Variants in PTPRG observed in about 807,000 individuals in gnomAD.
PTPRG encodes the protein protein tyrosine phosphatase receptor type G, also known as receptor-type tyrosine-protein phosphatase gamma.
Under a neutral mutation model 165.3 loss-of-function variants are expected in PTPRG, and 102 were observed. The observed-to-expected ratio is 0.62, with a 90% CI of 0.53 to 0.73. PTPRG has a LOEUF of 0.73. PTPRG is among the 30% of genes least tolerant of loss of function. The pLI, the probability that PTPRG is intolerant of heterozygous loss-of-function variation, is 0.00. For synonymous variants in PTPRG, 675 were observed against 669.5 expected (o/e 1.01, Z -0.13); for missense variants, 1,866 against 1,861.4 (o/e 1.00, Z -0.05).
intron 2 of PTPRG, among the ~76,000 whole-genome samples, chr3:61,964,909 TA>T (rs934435385): frequency 6.6e-6 from 1 of 151,886 alleles, no homozygotes; most frequent in Non-Finnish European, 1.5e-5. Flanking sequence ...GTTCAGCCTT[TA>T]AAAAAAATCC....
chr3:61,853,746 A>C (rs557315607), intron 2 of PTPRG, among the ~76,000 whole-genome samples: 1 of 152,310 alleles, frequency 6.6e-6, no homozygotes, highest in Admixed American at 6.5e-5. Flanking sequence ...GAGTGCTAGG[A>C]AAGTCTTTAC....
intron 12 of PTPRG, among the ~76,000 whole-genome samples, chr3:62,208,360 C>T (rs912748843): frequency 5.9e-5 from 9 of 152,180 alleles, no homozygotes; most frequent in African/African-American, 1.4e-4. Context: ...CCTACAAAAA[C>T]ATTTCAGAGT....
At chr3:62,071,474 T>A (rs1701208050) in intron 4 of PTPRG, among the ~76,000 whole-genome samples, 1 of 152,210 alleles carries the variant, frequency 6.6e-6, no homozygotes, top group Non-Finnish European at 1.5e-5. Context: ...ATAAATGTAG[T>A]ATTTGTTTAA....
chr3:61,799,836 G>A lies in PTPRG; in HGVS notation c.190+50854G>A, dbSNP rs570016210. ...TATTCACTAACCCCTTGAGAGTGTG[G>A]ACATAACATTTTTCCCCAGAACAGT... On this transcript the variant is annotated intron_variant, in intron 2 of 29. Transcript: ENST00000474889. Among the ~76,000 whole-genome samples, 176 of 152,264 alleles carry A rather than the reference G, an allele frequency of 1.2e-3. 1 individual carries two copies. Among genetic ancestry groups the A allele is most frequent in the African/African-American group, 3.9e-3 (163 of 41,550 alleles).
At chr3:61,686,869 A>T (rs1703649445) in intron 1 of PTPRG, among the ~76,000 whole-genome samples, 1 of 152,146 alleles carries the variant, frequency 6.6e-6, no homozygotes. Context: ...CACATACAGG[A>T]TTATCTTTAG....
chr3:62,096,804 A>G (rs1702135521), intron 5 of PTPRG, among the ~76,000 whole-genome samples: 1 of 152,210 alleles, frequency 6.6e-6, no homozygotes, highest in Non-Finnish European at 1.5e-5. Flanking sequence ...ACCTGATTAT[A>G]ATTATCCAAA....
chr3:61,857,188 T>G (rs1298005784), intron 2 of PTPRG, among the ~76,000 whole-genome samples: 1 of 152,134 alleles, frequency 6.6e-6, no homozygotes, highest in African/African-American at 2.4e-5. Context: ...AATCTCATAT[T>G]GTAAAATCTT....
chr3:62,090,232 A>G (rs1009809829), intron 5 of PTPRG, among the ~76,000 whole-genome samples: 68 of 152,272 alleles, frequency 4.5e-4, no homozygotes, highest in Admixed American at 1.6e-3. Context: ...TGTGCAGCGT[A>G]TTCCCTGGTA....
chr3:61,829,672 A>G (rs1024418476), intron 2 of PTPRG, among the ~76,000 whole-genome samples: 2 of 152,244 alleles, frequency 1.3e-5, no homozygotes, highest in African/African-American at 4.8e-5. Flanking sequence ...GTATATTTCC[A>G]ACAGTGATGA....
intron 2 of PTPRG, among the ~76,000 whole-genome samples, chr3:61,913,945 G>C (rs2038867118): frequency 6.6e-6 from 1 of 152,210 alleles, no homozygotes; most frequent in African/African-American, 2.4e-5. Flanking sequence ...AGCTCTCAGA[G>C]ATCGGTCCAA....
rs745595266 is a variant in PTPRG at position 61,888,322 on chromosome 3, G to GTT, written c.191-101296_191-101295dup. 5.3e-3 allele frequency among the ~76,000 whole-genome samples: 786 copies of GTT among 149,482 alleles called. 7 individuals are homozygous for GTT. Among genetic ancestry groups the GTT allele is most frequent in the African/African-American group, 0.018 (713 of 39,522 alleles). ...TATTTCTGTTCTAGGAAAATGGGTT[G>GTT]TTTTTTTTGTTTGTTTGTTTGTTGT... On this transcript the variant is annotated intron_variant, in intron 2 of 29. Coordinates refer to ENST00000474889, the MANE Select transcript of PTPRG (RefSeq NM_002841.4).
intron 1 of PTPRG, among the ~76,000 whole-genome samples, chr3:61,620,724 G>A (rs1701425896): frequency 2.0e-5 from 3 of 151,948 alleles, no homozygotes; most frequent in Non-Finnish European, 4.4e-5. Flanking sequence ...CGCCTCCCAG[G>A]TTCAAGCAGT....
intron 12 of PTPRG, among the ~76,000 whole-genome samples, chr3:62,208,038 T>C (rs566629720): frequency 1.1e-4 from 16 of 152,324 alleles, no homozygotes; most frequent in African/African-American, 3.8e-4. Context: ...CAATTTCTGC[T>C]TTTTAAAAAT....
At chr3:61,921,690 C>G (rs371668700) in intron 2 of PTPRG, among the ~76,000 whole-genome samples, 6 of 152,138 alleles carry the variant, frequency 3.9e-5, no homozygotes, top group African/African-American at 1.4e-4. Context: ...CACATTTAGA[C>G]TCAAGATTTC....
At chr3:62,094,051 A>C (rs933495711) in intron 5 of PTPRG, among the ~76,000 whole-genome samples, 2 of 152,204 alleles carry the variant, frequency 1.3e-5, no homozygotes, top group African/African-American at 4.8e-5. Flanking sequence ...ATCTGCTTTG[A>C]TGCCTCAAAC....
intron 2 of PTPRG, among the ~76,000 whole-genome samples, chr3:61,782,176 T>C (rs1293399955): frequency 6.6e-6 from 1 of 152,228 alleles, no homozygotes; most frequent in Non-Finnish European, 1.5e-5. Flanking sequence ...ACTGTGACTT[T>C]GAGACCTTTA....
intron 1 of PTPRG, among the ~76,000 whole-genome samples, chr3:61,592,068 G>A (rs545555788): frequency 1.3e-5 from 2 of 151,800 alleles, no homozygotes; most frequent in Non-Finnish European, 2.9e-5. Context: ...CCGCCTCCTG[G>A]GTTCGAGCAA....
At chr3:61,616,449 A>T (rs1701299496) in intron 1 of PTPRG, among the ~76,000 whole-genome samples, 1 of 152,014 alleles carries the variant, frequency 6.6e-6, no homozygotes, top group Non-Finnish European at 1.5e-5. Context: ...GATTTGTGGG[A>T]CTCCTTCTGT....
At chr3:61,847,832 CAG>C (rs1265007976) in intron 2 of PTPRG, among the ~76,000 whole-genome samples, 2 of 152,230 alleles carry the variant, frequency 1.3e-5, no homozygotes, top group African/African-American at 4.8e-5. Context: ...GAGATGCAGA[CAG>C]AGGCTTAAGA....
Sources: gnomAD v4.1 joint callset for allele counts (sites outside exome capture counted in the v4.1 genomes callset) on GRCh38, gnomAD v4.1.1 for gene constraint, MANE v1.5 for transcripts, NCBI Gene and HGNC (gene_info 2026-07-23, HGNC 2026-07-21) for gene names.